ILDR2: variants seen among roughly 807,000 people sequenced by gnomAD.
The protein encoded by ILDR2 is immunoglobulin-like domain-containing receptor 2.
A neutral mutation model predicts 66.8 loss-of-function variants in ILDR2; 25 were observed. The ratio of observed to expected loss-of-function variants is 0.37; its 90% CI spans 0.27 to 0.52. ILDR2 has a LOEUF of 0.52. ILDR2 is among the 20% of genes least tolerant of loss of function. ILDR2 has a pLI of 0.88. For missense variants in ILDR2, 827 were observed against 876.8 expected, an observed-to-expected ratio of 0.94 and a Z score of 0.72; for synonymous variants, 367 against 357.2, an observed-to-expected ratio of 1.03 and a Z score of -0.31.
chr1:166,901,285 G>A (rs546863593), intron 2 of ILDR2, among the ~76,000 whole-genome samples: 1 of 152,320 alleles, frequency 6.6e-6, no homozygotes, highest in East Asian at 1.9e-4. Context: ...GGGGAGAACA[G>A]ATGGCCGGAT....
intron 1 of ILDR2, 88 bp from the exon 2 acceptor site, chr1:166,958,189 C>G (rs1662396072): frequency 9.1e-7 from 1 of 1,103,108 alleles, no homozygotes; most frequent in African/African-American, 1.6e-5. Flanking sequence ...ATTTCACTTC[C>G]CTAACTTGTG....
At chr1:166,902,250 C>T (rs1328261868) in intron 2 of ILDR2, among the ~76,000 whole-genome samples, 1 of 152,222 alleles carries the variant, frequency 6.6e-6, no homozygotes, top group Non-Finnish European at 1.5e-5. Context: ...TGTCTCTCTC[C>T]CCACTTTACA....
chr1:166,944,925 C>T (rs753427756), intron 3 of ILDR2, among the ~76,000 whole-genome samples: 37 of 152,272 alleles, frequency 2.4e-4, no homozygotes, highest in Admixed American at 7.2e-4. Flanking sequence ...AGGGACTATG[C>T]TCTACGCTTG....
chr1:166,955,223 C>G (rs991590446), intron 3 of ILDR2, among the ~76,000 whole-genome samples: 4 of 152,194 alleles, frequency 2.6e-5, no homozygotes, highest in Admixed American at 2.6e-4. Flanking sequence ...TCACAAGTTA[C>G]ACTTTATATA....
chr1:166,960,337 A>G (rs915261480), intron 1 of ILDR2, among the ~76,000 whole-genome samples: 16 of 152,336 alleles, frequency 1.1e-4, no homozygotes, highest in African/African-American at 3.4e-4. Context: ...GGGAATTTCT[A>G]GGACTTTGCA....
chr1:166,940,262 GC>G (rs1179375405), intron 3 of ILDR2, among the ~76,000 whole-genome samples: 2 of 152,160 alleles, frequency 1.3e-5, no homozygotes, highest in African/African-American at 4.8e-5. Flanking sequence ...CAGAACAGGT[GC>G]CCCTCAAGGA....
At position 166,956,274 on chromosome 1, in the gene ILDR2, G is replaced by A. The variant is rs369310862; in HGVS notation, c.499+459C>T. 1.2e-4 allele frequency among the ~76,000 whole-genome samples: 18 copies of A among 152,278 alleles called. 1 individual carries two copies. The South Asian group carries it at 3.3e-3, about 28-fold the overall frequency. On this transcript the variant is annotated intron_variant, in intron 3 of 9. Transcript: ENST00000271417. ...TTACCAAACTCTCTAGTTTACAGCT[G>A]TCTTTTCTTATGATTGTTTTAAGTG... is the stretch of plus-strand genomic sequence containing the variant.
intron 4 of ILDR2, among the ~76,000 whole-genome samples, chr1:166,939,065 C>T (rs1661152114): frequency 6.6e-6 from 1 of 152,062 alleles, no homozygotes; most frequent in Non-Finnish European, 1.5e-5. Flanking sequence ...GGGTACATAG[C>T]TTTCCTAAGG....
At chr1:166,968,170 A>G (rs1571213543) in intron 1 of ILDR2, among the ~76,000 whole-genome samples, 1 of 152,170 alleles carries the variant, frequency 6.6e-6, no homozygotes, top group Admixed American at 6.5e-5. Flanking sequence ...TGGGGCCATT[A>G]CCTTCCATTC....
intron 1 of ILDR2, among the ~76,000 whole-genome samples, chr1:166,963,017 C>T (rs1175950471): frequency 6.6e-6 from 1 of 152,188 alleles, no homozygotes; most frequent in Non-Finnish European, 1.5e-5. Flanking sequence ...TCATCGTCTC[C>T]TCTTTTCCCA....
chr1:166,936,783 C>T lies in ILDR2; in HGVS notation c.557-46G>A, dbSNP rs760246400. Reference sequence around the variant, plus strand: ...ATCCACACTCGAGGCAGCCCACCTCCAGGGCAGGGTGCACTTTGATTGGCA... The same window carrying T: ...ATCCACACTCGAGGCAGCCCACCTCTAGGGCAGGGTGCACTTTGATTGGCA... On this transcript the variant is annotated intron_variant, in intron 4 of 9. Transcript: ENST00000271417. The surrounding 1 kb of genome is among the most constrained non-coding windows in gnomAD (Gnocchi z 5.0). 2.0e-5 allele frequency: 32 copies of T among 1,599,708 alleles called. No individual in the cohort carries two copies. Among genetic ancestry groups the T allele is most frequent in the Non-Finnish European group, 2.2e-5 (26 of 1,169,020 alleles).
intron 9 of ILDR2, among the ~76,000 whole-genome samples, chr1:166,919,922 T>C (rs1659803673): frequency 6.6e-6 from 1 of 152,170 alleles, no homozygotes; most frequent in Non-Finnish European, 1.5e-5. Flanking sequence ...GCAGTTGTGC[T>C]TGGAGAGTGA....
chr1:166,924,895 G>T (rs1022103714), intron 7 of ILDR2, among the ~76,000 whole-genome samples: 5 of 152,032 alleles, frequency 3.3e-5, no homozygotes, highest in Admixed American at 2.0e-4. Context: ...ACATGCCTGT[G>T]GTCCCAGCTA....
Position 166,921,327 on chromosome 1 carries a change from C to T in ILDR2, c.1264G>A (p.Val422Met), listed in dbSNP as rs1659925589. Residue 422 changes from valine (V) to methionine (M), a missense_variant, in exon 9 of 10, where the codon GTG becomes ATG. Val to Met is a conservative substitution (Grantham distance 21). Coordinates refer to ENST00000271417, the MANE Select transcript of ILDR2 (RefSeq NM_199351.3). The surrounding 1 kb of genome is among the most constrained non-coding windows in gnomAD (Gnocchi z 5.3). Reference sequence around the variant, plus strand: ...AGCTCGTCCATGGAAACGGCCGGCACCCCCGTGGCGAAGTTCTTCCGCGAC... The same window carrying T: ...AGCTCGTCCATGGAAACGGCCGGCATCCCCGTGGCGAAGTTCTTCCGCGAC... ...MLSRKNFATGVPAVSMDELAA... is the reference protein window; with the variant it reads ...MLSRKNFATGMPAVSMDELAA... The T allele has an allele frequency of 1.3e-6, 2 of 1,586,548 alleles. No homozygotes were observed. Among genetic ancestry groups the T allele is most frequent in the Admixed American group, 3.4e-5 (2 of 58,432 alleles).
At chr1:166,925,705 A>G (rs1164679635) in intron 7 of ILDR2, among the ~76,000 whole-genome samples, 1 of 152,162 alleles carries the variant, frequency 6.6e-6, no homozygotes, top group Non-Finnish European at 1.5e-5. Flanking sequence ...CACACTACAA[A>G]GGTTAACCTA....
chr1:166,951,169 A>G (rs1661955450), intron 3 of ILDR2, among the ~76,000 whole-genome samples: 2 of 152,184 alleles, frequency 1.3e-5, no homozygotes, highest in African/African-American at 2.4e-5. Flanking sequence ...TCTCACACAC[A>G]GGCCACCCCC....
downstream of ILDR2, among the ~76,000 whole-genome samples, chr1:166,906,173 A>C (rs1659347033): frequency 2.0e-5 from 3 of 152,222 alleles, no homozygotes. Flanking sequence ...GGTTTAGTTA[A>C]GCTCACACTA....
intron 1 of ILDR2, among the ~76,000 whole-genome samples, chr1:166,966,607 T>G (rs1020594120): frequency 2.0e-5 from 3 of 152,250 alleles, no homozygotes; most frequent in African/African-American, 2.4e-5. Flanking sequence ...CATCCTTTCT[T>G]GTACTCTGCC....
intron 7 of ILDR2, among the ~76,000 whole-genome samples, chr1:166,923,608 C>T (rs929178975): frequency 2.6e-5 from 4 of 152,210 alleles, no homozygotes; most frequent in African/African-American, 4.8e-5. Context: ...GTACTTATAC[C>T]TGTGGGCCTC....
Sources: gnomAD v4.1 joint callset for allele counts (sites outside exome capture counted in the v4.1 genomes callset) on GRCh38, gnomAD v4.1.1 for gene constraint, Gnocchi (gnomAD v3.1) non-coding constraint, MANE v1.5 for transcripts, NCBI Gene and HGNC (gene_info 2026-07-23, HGNC 2026-07-21) for gene names.